Variants in LDLRAD4 observed in about 807,000 individuals in gnomAD.
The protein encoded by LDLRAD4 is low density lipoprotein receptor class A domain containing 4.
In LDLRAD4, 5 loss-of-function variants were observed where a neutral mutation model predicts 17.0. That is an observed-to-expected ratio of 0.29 (90% CI 0.15 to 0.62). The LOEUF (loss-of-function observed/expected upper bound fraction) is 0.62, where lower values mean the gene tolerates loss of function less well. LDLRAD4 is among the 20% of genes least tolerant of loss of function. LDLRAD4 has a pLI of 0.84. For missense variants in LDLRAD4, 340 were observed against 424.7 expected (o/e 0.80, Z 1.75); for synonymous variants, 168 against 171.8 (o/e 0.98, Z 0.17).
chr18:13,627,239 C>T (rs988215392), intron 4 of LDLRAD4, among the ~76,000 whole-genome samples: 7 of 152,016 alleles, frequency 4.6e-5, no homozygotes, highest in South Asian at 2.1e-4. Flanking sequence ...CCAGCCTGGC[C>T]GACAGAGGGA....
chr18:13,490,197 A>G (rs750813995), intron 3 of LDLRAD4: 5 of 152,184 alleles, frequency 3.3e-5, no homozygotes, highest in Non-Finnish European at 5.9e-5. Flanking sequence ...CCCTTCAGCT[A>G]TGTTTATAAC....
intron 1 of LDLRAD4, among the ~76,000 whole-genome samples, chr18:13,235,983 T>C (rs1316466201): frequency 1.3e-5 from 2 of 152,258 alleles, no homozygotes; most frequent in African/African-American, 4.8e-5. Context: ...GATCATGTGT[T>C]CCTGTTTTTA....
intron 3 of LDLRAD4, among the ~76,000 whole-genome samples, chr18:13,530,605 G>A (rs2094112268): frequency 6.6e-6 from 1 of 152,260 alleles, no homozygotes; most frequent in Non-Finnish European, 1.5e-5. Context: ...GCAGGGTGGG[G>A]TCCGCTGGCT....
chr18:13,307,103 AAAC>A (rs1271578644), intron 1 of LDLRAD4, among the ~76,000 whole-genome samples: 2 of 152,226 alleles, frequency 1.3e-5, no homozygotes, highest in African/African-American at 4.8e-5. Flanking sequence ...CACTGAAACT[AAAC>A]AAACAGGGGA....
At chr18:13,626,500 GGGAGAGGCA>G (rs2041179429) in intron 4 of LDLRAD4, among the ~76,000 whole-genome samples, 1 of 152,214 alleles carries the variant, frequency 6.6e-6, no homozygotes, top group African/African-American at 2.4e-5. Context: ...AGCGGATGGA[GGGAGAGGCA>G]GGAGAGGGAC....
intron 1 of LDLRAD4, 137 bp from the exon 3 acceptor site, chr18:13,387,204 G>A (rs2085906546): frequency 6.5e-6 from 1 of 152,994 alleles, no homozygotes; most frequent in Non-Finnish European, 1.5e-5. Flanking sequence ...CTCCCACCCT[G>A]GCAGCCCCTG....
intron 3 of LDLRAD4, among the ~76,000 whole-genome samples, chr18:13,578,827 C>CTTTT (rs1003295658): frequency 0.061 from 3,977 of 65,584 alleles, 1,078 homozygotes; most frequent in Non-Finnish European, 0.086. Context: ...TTGTCCGGGT[C>CTTTT]TTTTTTTTTT....
At chr18:13,604,554 T>C (rs187025324) in intron 3 of LDLRAD4, among the ~76,000 whole-genome samples, 1 of 152,342 alleles carries the variant, frequency 6.6e-6, no homozygotes, top group East Asian at 1.9e-4. Context: ...TAGCAGTATC[T>C]AACTCCTGAG....
chr18:13,431,324 G>A (rs1219767381), intron 2 of LDLRAD4, among the ~76,000 whole-genome samples: 44 of 152,264 alleles, frequency 2.9e-4, no homozygotes, highest in Non-Finnish European at 1.2e-4. Flanking sequence ...ACTGTTCTAT[G>A]TAAGAAGTGA....
At chr18:13,389,025 T>C (rs1325882428) in intron 2 of LDLRAD4, among the ~76,000 whole-genome samples, 1 of 152,180 alleles carries the variant, frequency 6.6e-6, no homozygotes, top group South Asian at 2.1e-4. Context: ...GCTCCGCAGC[T>C]GTGTACACCT....
chr18:13,524,820 G>A (rs1402524874), intron 3 of LDLRAD4, among the ~76,000 whole-genome samples: 1 of 152,154 alleles, frequency 6.6e-6, no homozygotes, highest in African/African-American at 2.4e-5. Flanking sequence ...CTAAGCCTAC[G>A]ATTTTATCCT....
intron 4 of LDLRAD4, chr18:13,642,897 G>A: frequency 2.5e-6 from 1 of 405,436 alleles, no homozygotes; most frequent in South Asian, 1.4e-4. Flanking sequence ...CACGTTTTTT[G>A]TTTGTTTGTT....
chr18:13,605,663 G>A (rs1568396201), intron 3 of LDLRAD4, among the ~76,000 whole-genome samples: 1 of 152,198 alleles, frequency 6.6e-6, no homozygotes, highest in Non-Finnish European at 1.5e-5. Flanking sequence ...GGAAGCACCT[G>A]CCATGCCCAG....
intron 4 of LDLRAD4, among the ~76,000 whole-genome samples, chr18:13,630,318 A>G (rs1037573659): frequency 2.0e-5 from 3 of 152,196 alleles, no homozygotes; most frequent in Non-Finnish European, 4.4e-5. Context: ...TCTGACAGCC[A>G]GGGGTACTGG....
At chr18:13,583,471 G>C (rs2094893322) in intron 3 of LDLRAD4, among the ~76,000 whole-genome samples, 1 of 152,120 alleles carries the variant, frequency 6.6e-6, no homozygotes, top group Admixed American at 6.5e-5. Flanking sequence ...CTAGTTAGTA[G>C]TACTAGAATG....
intron 2 of LDLRAD4, among the ~76,000 whole-genome samples, chr18:13,432,583 G>A (rs28650165): frequency 6.6e-6 from 1 of 152,130 alleles, no homozygotes; most frequent in Admixed American, 6.5e-5. Context: ...CCTCTTGGCT[G>A]TGGTGGCTTG....
intron 3 of LDLRAD4, among the ~76,000 whole-genome samples, chr18:13,609,870 T>C (rs978155797): frequency 1.2e-4 from 18 of 152,166 alleles, no homozygotes; most frequent in African/African-American, 3.9e-4. Context: ...TAATCCCAGC[T>C]ACTCGGGAAG....
intron 1 of LDLRAD4, among the ~76,000 whole-genome samples, chr18:13,224,341 G>GC (rs1324627475): frequency 6.6e-6 from 1 of 152,150 alleles, no homozygotes; most frequent in East Asian, 1.9e-4. Context: ...GAGTGTGACT[G>GC]CCCGGTTCCT....
At chr18:13,359,345 G>C (rs1048492409) in intron 1 of LDLRAD4, among the ~76,000 whole-genome samples, 3 of 152,156 alleles carry the variant, frequency 2.0e-5, no homozygotes, top group African/African-American at 7.2e-5. Flanking sequence ...TGGGGTCTTA[G>C]CATAGCTTGA....
Sources: allele counts gnomAD v4.1 joint callset (sites outside exome capture counted in the v4.1 genomes callset), GRCh38; gene constraint gnomAD v4.1.1; transcripts MANE v1.5; gene names NCBI Gene and HGNC (gene_info 2026-07-23, HGNC 2026-07-21).